Variants in MBNL1 observed in about 807,000 individuals in gnomAD.
MBNL1 encodes the protein muscleblind like splicing regulator 1.
Under a neutral mutation model 42.2 loss-of-function variants are expected in MBNL1, and 8 were observed. The ratio of observed to expected loss-of-function variants is 0.19; its 90% CI spans 0.11 to 0.34. The LOEUF (loss-of-function observed/expected upper bound fraction) is 0.34, where lower values mean the gene tolerates loss of function less well. Among genes scored for constraint, MBNL1 ranks in the 10% least tolerant of loss-of-function variants. MBNL1 has a pLI of 1.00. For missense variants in MBNL1, 309 were observed against 495.3 expected (o/e 0.62, Z 3.57); for synonymous variants, 169 against 173.9 (o/e 0.97, Z 0.22).
intron 2 of MBNL1, among the ~76,000 whole-genome samples, chr3:152,313,669 A>G (rs2068506405): frequency 6.6e-6 from 1 of 152,222 alleles, no homozygotes; most frequent in African/African-American, 2.4e-5. Context: ...GCCTTAGGTC[A>G]TAGTGAATGT....
intron 3 of MBNL1, among the ~76,000 whole-genome samples, chr3:152,421,018 A>C (rs2098796804): frequency 6.6e-6 from 1 of 152,214 alleles, no homozygotes; most frequent in Non-Finnish European, 1.5e-5. Flanking sequence ...AAAGGATATC[A>C]GAGACTGAAG....
intron 2 of MBNL1, among the ~76,000 whole-genome samples, chr3:152,332,739 T>C (rs36114440): frequency 0.25 from 28,858 of 115,230 alleles, 3,418 homozygotes; most frequent in East Asian, 0.5. Context: ...TGTGTGTGTG[T>C]GCGCGCGCGC....
chr3:152,419,044 A>G (rs2098754235), intron 3 of MBNL1, among the ~76,000 whole-genome samples: 1 of 152,100 alleles, frequency 6.6e-6, no homozygotes, highest in African/African-American at 2.4e-5. Flanking sequence ...ACATAATCTC[A>G]TTTCATAAGA....
intron 1 of MBNL1, among the ~76,000 whole-genome samples, chr3:152,283,533 A>G (rs1286385966): frequency 6.6e-6 from 1 of 152,196 alleles, no homozygotes; most frequent in African/African-American, 2.4e-5. Context: ...TTATTTAATA[A>G]GATTTCTTCA....
At chr3:152,320,613 A>G (rs2075858910) in intron 2 of MBNL1, among the ~76,000 whole-genome samples, 1 of 151,788 alleles carries the variant, frequency 6.6e-6, no homozygotes. Context: ...AACACAGAAT[A>G]TTTAGCTTTC....
chr3:152,447,594 G>GT, intron 5 of MBNL1, 26 bp from the exon 6 acceptor site: 2 of 1,581,076 alleles, frequency 1.3e-6, no homozygotes, highest in Non-Finnish European at 1.7e-6. Context: ...ACTGGTATTT[G>GT]TTTTTTATAC....
chr3:152,315,866 A>ACACACT, intron 2 of MBNL1, among the ~76,000 whole-genome samples: 1 of 149,192 alleles, frequency 6.7e-6, no homozygotes, highest in East Asian at 2.0e-4. Flanking sequence ...ACACACACAC[A>ACACACT]CTCTCTCTCT....
chr3:152,454,542 A>C (rs1005622272), intron 6 of MBNL1, among the ~76,000 whole-genome samples: 7 of 152,220 alleles, frequency 4.6e-5, no homozygotes, highest in Non-Finnish European at 1.0e-4. Context: ...GTACTTGGTA[A>C]AATAAGTTAA....
intron 2 of MBNL1, among the ~76,000 whole-genome samples, chr3:152,310,201 C>G (rs1340037494): frequency 6.6e-6 from 1 of 152,172 alleles, no homozygotes; most frequent in Non-Finnish European, 1.5e-5. Context: ...GAGATTTATA[C>G]TAAGCTCATC....
intron 2 of MBNL1, among the ~76,000 whole-genome samples, chr3:152,380,378 G>A (rs2097129970): frequency 6.6e-6 from 1 of 152,012 alleles, no homozygotes; most frequent in African/African-American, 2.4e-5. Context: ...TAAACTCAAA[G>A]TTTATGGTAA....
chr3:152,332,590 A>G (rs2085496737), intron 2 of MBNL1, among the ~76,000 whole-genome samples: 2 of 152,144 alleles, frequency 1.3e-5, no homozygotes, highest in Non-Finnish European at 2.9e-5. Flanking sequence ...TTTTTAGTAA[A>G]TGCCACCAAA....
chr3:152,255,326 A>G (rs1324609044), intron 2 of MBNL1, among the ~76,000 whole-genome samples: 1 of 152,096 alleles, frequency 6.6e-6, no homozygotes, highest in Non-Finnish European at 1.5e-5. Context: ...AAAGAAATAA[A>G]AATATTCTAA....
intron 2 of MBNL1, among the ~76,000 whole-genome samples, chr3:152,316,959 A>G (rs2072116566): frequency 6.6e-6 from 1 of 152,138 alleles, no homozygotes; most frequent in African/African-American, 2.4e-5. Flanking sequence ...TCACCTGCTT[A>G]GTAATTTCTT....
In MBNL1 at chr3:152,449,657, A is replaced by G. The variant is rs539739204; in HGVS notation, c.961+1884A>G. Among the ~76,000 whole-genome samples the G allele has an allele frequency of 5.9e-5, 9 of 152,382 alleles. No individual in the cohort carries two copies. The South Asian group carries it at 1.9e-3, about 32-fold the overall frequency. ...ATTAGGGAAAATAATAAACTCATTC[A>G]TAAATCAGAATCAAACTTGTCTCTC... On this transcript the variant is annotated intron_variant, in intron 6 of 9. Transcript: ENST00000324210.
intron 1 of MBNL1, among the ~76,000 whole-genome samples, chr3:152,289,942 A>G (rs566828366): frequency 1.3e-5 from 2 of 152,020 alleles, no homozygotes; most frequent in South Asian, 4.2e-4. Flanking sequence ...GCAATTCCAT[A>G]CTCATTCGTC....
At chr3:152,362,969 A>ATG (rs2096088038) in intron 2 of MBNL1, among the ~76,000 whole-genome samples, 1 of 152,176 alleles carries the variant, frequency 6.6e-6, no homozygotes. Flanking sequence ...GGCTAAATTA[A>ATG]TGTGTGTGTG....
chr3:152,256,891 G>A (rs569137311), intron 2 of MBNL1, among the ~76,000 whole-genome samples: 1 of 152,026 alleles, frequency 6.6e-6, no homozygotes, highest in African/African-American at 2.4e-5. Flanking sequence ...GACTGAGTGT[G>A]TACTAGAAGG....
At chr3:152,399,956 A>G (rs2098142168) in intron 2 of MBNL1, among the ~76,000 whole-genome samples, 1 of 152,216 alleles carries the variant, frequency 6.6e-6, no homozygotes, top group African/African-American at 2.4e-5. Context: ...GGTCACTTTC[A>G]TTCTGGCTAC....
intron 4 of MBNL1, among the ~76,000 whole-genome samples, chr3:152,443,485 T>C (rs201385753): frequency 2.3e-4 from 34 of 144,970 alleles, no homozygotes; most frequent in South Asian, 8.9e-4. Context: ...ATATTTAGCA[T>C]ACACACACAC....
Sources: gnomAD v4.1 joint callset for allele counts (sites outside exome capture counted in the v4.1 genomes callset) on GRCh38, gnomAD v4.1.1 for gene constraint, MANE v1.5 for transcripts, NCBI Gene and HGNC (gene_info 2026-07-23, HGNC 2026-07-21) for gene names.